The following MCF2L variants were observed in gnomAD, a reference collection of about 807,000 sequenced individuals.
The protein encoded by MCF2L is guanine nucleotide exchange factor DBS.
Under a neutral mutation model 153.4 loss-of-function variants are expected in MCF2L, and 97 were observed. That is an observed-to-expected ratio of 0.63 (90% CI 0.54 to 0.75). The LOEUF is 0.75. Ranked by LOEUF, MCF2L falls within the 30% of genes least tolerant of loss-of-function variation. MCF2L has a pLI of 0.00. For missense variants in MCF2L, 1,347 were observed against 1,495.2 expected (o/e 0.90, Z 1.64); for synonymous variants, 659 against 632.2 (o/e 1.04, Z -0.64).
At chr13:112,929,112 G>A (rs570577277) in intron 2 of MCF2L, among the ~76,000 whole-genome samples, 1 of 152,304 alleles carries the variant, frequency 6.6e-6, no homozygotes, top group South Asian at 2.1e-4. Flanking sequence ...AGTGGCACTC[G>A]GTGTTTCCAC....
chr13:112,979,659 G>C (rs369124281), intron 1 of MCF2L: 1 of 1,612,896 alleles, frequency 6.2e-7, no homozygotes, highest in Non-Finnish European at 8.5e-7. Context: ...TTTGTGACAG[G>C]GCGGTTCGAT....
At chr13:112,917,359 C>T (rs933495569) in intron 2 of MCF2L, 11 of 355,216 alleles carry the variant, frequency 3.1e-5, no homozygotes, top group Non-Finnish European at 5.6e-5. Context: ...TGTTTTCACT[C>T]ATGCCCGTAT....
At chr13:113,011,531 TGGTGGACACTGCGATGA>T (rs2084104848) in intron 1 of MCF2L, among the ~76,000 whole-genome samples, 1 of 119,798 alleles carries the variant, frequency 8.3e-6, no homozygotes, top group African/African-American at 3.3e-5. Flanking sequence ...GCTGGGTGGA[TGGTGGACACTGCGATGA>T]GGACGGTGGA....
chr13:112,928,431 A>G (rs1159324085), intron 2 of MCF2L, among the ~76,000 whole-genome samples: 1 of 152,186 alleles, frequency 6.6e-6, no homozygotes, highest in Non-Finnish European at 1.5e-5. Flanking sequence ...GCCTCGTTAT[A>G]ATCCTTGGAA....
At chr13:113,014,471 C>T (rs2084379476) in intron 1 of MCF2L, among the ~76,000 whole-genome samples, 1 of 152,230 alleles carries the variant, frequency 6.6e-6, no homozygotes, top group Non-Finnish European at 1.5e-5. Flanking sequence ...CCTGCCTCCC[C>T]TCTGCCCAGG....
intron 2 of MCF2L, among the ~76,000 whole-genome samples, chr13:112,958,844 G>A (rs1006140393): frequency 2.6e-5 from 4 of 152,210 alleles, no homozygotes; most frequent in African/African-American, 9.7e-5. Flanking sequence ...GGAGGCTCAA[G>A]GTGACTTCTT....
At chr13:112,935,491 A>T (rs1163087714) in intron 2 of MCF2L, among the ~76,000 whole-genome samples, 1 of 152,160 alleles carries the variant, frequency 6.6e-6, no homozygotes, top group Non-Finnish European at 1.5e-5. Context: ...TCCTGACCTC[A>T]GGTGATCCAC....
rs540118782 is a variant in MCF2L, at chr13:113,035,893, G to A, written c.279-9378G>A. 6.6e-6 allele frequency among the ~76,000 whole-genome samples: 1 copy of A among 152,322 alleles called. No homozygotes were observed. Among genetic ancestry groups the A allele is most frequent in the African/African-American group, 2.4e-5 (1 of 41,570 alleles). On this transcript the variant is annotated intron_variant, in intron 3 of 29. Coordinates refer to ENST00000535094, the MANE Select transcript of MCF2L (RefSeq NM_001112732.3). This position sits in a 1 kb window ranked among gnomAD's most constrained non-coding sequence, Gnocchi z 4.4. Reference sequence around the variant, plus strand: ...GAGGCCCCTTTGGTAGTGAGTCTGTGTGACAGGCGATGGGGCCTTCCTCTC... The same window carrying A: ...GAGGCCCCTTTGGTAGTGAGTCTGTATGACAGGCGATGGGGCCTTCCTCTC...
intron 2 of MCF2L, among the ~76,000 whole-genome samples, chr13:112,930,351 T>G (rs1466509245): frequency 6.6e-6 from 1 of 152,172 alleles, no homozygotes; most frequent in Non-Finnish European, 1.5e-5. Flanking sequence ...GATGGAATAT[T>G]ACTCAGCAGT....
chr13:113,078,299 G>C, intron 13 of MCF2L, 64 bp from the exon 14 acceptor site: 2 of 1,348,600 alleles, frequency 1.5e-6, no homozygotes, highest in Non-Finnish European at 2.1e-6. Context: ...TTCCCGCTGG[G>C]TGCACTTCCC....
chr13:113,090,909 C>A (rs989274106), intron 26 of MCF2L: 1 of 1,180,928 alleles, frequency 8.5e-7, no homozygotes, highest in Middle Eastern at 3.9e-4. Context: ...AGTGCCGCAG[C>A]CCCCACTCCC....
At chr13:113,014,080 C>T (rs1254634356) in intron 1 of MCF2L, among the ~76,000 whole-genome samples, 10 of 152,136 alleles carry the variant, frequency 6.6e-5, no homozygotes, top group African/African-American at 1.9e-4. Context: ...CTAGTGCTCC[C>T]AGCTGGTACT....
At chr13:113,008,020 G>C (rs751780795) in intron 1 of MCF2L, among the ~76,000 whole-genome samples, 1 of 148,896 alleles carries the variant, frequency 6.7e-6, no homozygotes, top group African/African-American at 2.5e-5. Flanking sequence ...AGGTTCAAAA[G>C]ATTCTCCAGC....
intron 2 of MCF2L, among the ~76,000 whole-genome samples, chr13:112,939,725 C>A (rs890563690): frequency 6.6e-6 from 1 of 152,174 alleles, no homozygotes; most frequent in Non-Finnish European, 1.5e-5. Flanking sequence ...CGCCTGTAAT[C>A]CCAGCACTTT....
chr13:112,960,800 C>T lies in MCF2L; in HGVS notation c.170-53963C>T, dbSNP rs1351194381. On this transcript the variant is annotated intron_variant, in intron 2 of 29. Transcript: ENST00000375608. This position sits in a 1 kb window ranked among gnomAD's most constrained non-coding sequence, Gnocchi z 4.2. The stretch of plus-strand genomic sequence containing the variant: ...CATGGCCGCACCACCCAGACCCTTA[C>T]ATCCATCCTCACATCTCCTCCCTGC... 3.9e-5 allele frequency among the ~76,000 whole-genome samples: 6 copies of T among 152,200 alleles called. No homozygotes were observed. The highest frequency in any genetic ancestry group is 1.4e-4 in the African/African-American group (6 of 41,436).
At position 113,099,508 on chromosome 13, in the gene MCF2L, A is replaced by G. The variant is rs910571653; in HGVS notation, c.*2649A>G. 1 of 152,228 alleles carries G rather than the reference A, an allele frequency of 6.6e-6. No homozygotes were observed. The highest frequency in any genetic ancestry group is 1.5e-5 in the Non-Finnish European group (1 of 68,052). 9.4% of individuals were successfully genotyped at this position (152,228 alleles called of 1,614,324 possible). On this transcript the variant is annotated 3_prime_UTR_variant, in exon 30 of 30. Coordinates refer to ENST00000535094, the MANE Select transcript of MCF2L (RefSeq NM_001112732.3). ...GGTGTCGACAGCTTAGTGGTGTCTG[A>G]TTTTATACATGACAAAATGAACGAG...
intron 1 of MCF2L, among the ~76,000 whole-genome samples, chr13:112,980,401 G>C (rs1032430238): frequency 3.3e-5 from 5 of 152,252 alleles, no homozygotes; most frequent in African/African-American, 1.2e-4. Flanking sequence ...TGTGGAACGT[G>C]GGGCAGAAGT....
At chr13:112,953,047 C>A (rs1395821585) in intron 2 of MCF2L, among the ~76,000 whole-genome samples, 1 of 152,202 alleles carries the variant, frequency 6.6e-6, no homozygotes, top group African/African-American at 2.4e-5. Flanking sequence ...CTGGGTGATC[C>A]TCTGTCCTGT....
At chr13:113,077,490 G>T (rs188829479) in intron 13 of MCF2L, among the ~76,000 whole-genome samples, 31 of 152,310 alleles carry the variant, frequency 2.0e-4, no homozygotes, top group African/African-American at 7.5e-4. Flanking sequence ...GGCTGGCAGG[G>T]TTCAGTGGTC....
Sources: gnomAD v4.1 joint callset for allele counts (sites outside exome capture counted in the v4.1 genomes callset) on GRCh38, gnomAD v4.1.1 for gene constraint, Gnocchi (gnomAD v3.1) non-coding constraint, MANE v1.5 for transcripts, NCBI Gene and HGNC (gene_info 2026-07-23, HGNC 2026-07-21) for gene names.